ZNF532: variants seen among roughly 807,000 people sequenced by gnomAD.
ZNF532 encodes zinc finger protein 532.
A neutral mutation model predicts 89.3 loss-of-function variants in ZNF532; 22 were observed. That is an observed-to-expected ratio of 0.25 (90% confidence interval 0.18 to 0.35). ZNF532 has a LOEUF of 0.35. Among genes scored for constraint, ZNF532 ranks in the 10% least tolerant of loss-of-function variants. ZNF532 has a pLI of 1.00. For synonymous variants in ZNF532, 606 were observed against 649.6 expected, an observed-to-expected ratio of 0.93 and a Z score of 1.02; for missense variants, 1,132 against 1,643.4, an observed-to-expected ratio of 0.69 and a Z score of 5.38.
rs139626484 is a variant in ZNF532, at chr18:58,876,791, C to T, written c.-18+11212C>T. On this transcript the variant is annotated intron_variant, in intron 2 of 9. Coordinates refer to ENST00000591808, the MANE Select transcript of ZNF532 (RefSeq NM_001375912.1). ...AGTGACTTTGGGCCTAGTGCAATGG[C>T]TCACGCCTGTAATCCCAGCACTTCG... 1.2e-4 allele frequency among the ~76,000 whole-genome samples: 19 copies of T among 152,316 alleles called. No individual in the cohort carries two copies. In the East Asian group the frequency reaches 3.5e-3, roughly 28 times the overall value.
chr18:58,876,601 C>G (rs2057451185), intron 2 of ZNF532, among the ~76,000 whole-genome samples: 1 of 152,180 alleles, frequency 6.6e-6, no homozygotes, highest in Non-Finnish European at 1.5e-5. Flanking sequence ...TTATTCCTCT[C>G]CCTACATTTC....
At chr18:58,892,191 A>G (rs35450591) in intron 2 of ZNF532, among the ~76,000 whole-genome samples, 30,463 of 152,170 alleles carry the variant, frequency 0.2, 4,123 homozygotes, top group Middle Eastern at 0.36. Flanking sequence ...AGTGAAACAC[A>G]ACACTGTGTC....
At chr18:58,928,784 T>C (rs1451028187) in intron 3 of ZNF532, among the ~76,000 whole-genome samples, 2 of 152,222 alleles carry the variant, frequency 1.3e-5, no homozygotes, top group Admixed American at 6.5e-5. Context: ...TGCTTAATAA[T>C]CTCTGCTTTG....
rs1027922908 is a variant in ZNF532, at chr18:58,938,308, G to A, written c.2529-1137G>A. Reference sequence around the variant, plus strand: ...CCACTCTTAAATAGTTTTCAGGTGTGAACAAGGAAGACTTGGTCATCAAGT... The same window carrying A: ...CCACTCTTAAATAGTTTTCAGGTGTAAACAAGGAAGACTTGGTCATCAAGT... On this transcript the variant is annotated intron_variant, in intron 4 of 9. Coordinates refer to ENST00000591808, the MANE Select transcript of ZNF532 (RefSeq NM_001375912.1). Among the ~76,000 whole-genome samples the A allele has an allele frequency of 5.3e-5, 8 of 152,334 alleles. No homozygotes were observed. The East Asian group carries it at 1.5e-3, about 29-fold the overall frequency.
rs375199335 is a variant in ZNF532, at chr18:58,912,139, C to T, written c.-17-6132C>T. 2.6e-5 allele frequency among the ~76,000 whole-genome samples: 4 copies of T among 152,208 alleles called. No homozygotes were observed. In the East Asian group the frequency reaches 5.8e-4, roughly 22 times the overall value. ...TATTTCCCAAGGTCGTGACCTGGTT[C>T]GTGGCATTAGTATGTGACTCCTGTG... On this transcript the variant is annotated intron_variant, in intron 2 of 9. Coordinates refer to ENST00000591808, the MANE Select transcript of ZNF532 (RefSeq NM_001375912.1).
At chr18:58,899,508 A>G (rs2059462911) in intron 2 of ZNF532, among the ~76,000 whole-genome samples, 1 of 151,978 alleles carries the variant, frequency 6.6e-6, no homozygotes, top group Non-Finnish European at 1.5e-5. Flanking sequence ...TTGCTCTGTC[A>G]CCCAGGCTGG....
chr18:58,926,433 G>A (rs62095479), intron 3 of ZNF532: 42,590 of 152,132 alleles, frequency 0.28, 6,177 homozygotes, highest in Middle Eastern at 0.46. Flanking sequence ...CATCTCCTGG[G>A]TTCAAGAGAT....
intron 3 of ZNF532, among the ~76,000 whole-genome samples, chr18:58,931,444 A>G (rs1252344127): frequency 6.6e-6 from 1 of 152,202 alleles, no homozygotes; most frequent in Non-Finnish European, 1.5e-5. Context: ...AGCTAATGGA[A>G]GATACTCCTT....
chr18:58,983,738 A>G (rs2068111400), intron 9 of ZNF532, among the ~76,000 whole-genome samples: 1 of 90,248 alleles, frequency 1.1e-5, no homozygotes, highest in Non-Finnish European at 1.9e-5. Context: ...TCATTTGTCC[A>G]CTGTTGTGCC....
intron 6 of ZNF532, among the ~76,000 whole-genome samples, chr18:58,950,475 GT>G (rs143645443): frequency 1.3e-5 from 2 of 148,262 alleles, no homozygotes; most frequent in South Asian, 2.1e-4. Context: ...GGGGCATACT[GT>G]TTTTTTTTTA....
intron 4 of ZNF532, 123 bp downstream of exon 4, chr18:58,934,737 T>TG: frequency 1.1e-6 from 1 of 948,854 alleles, no homozygotes; most frequent in Non-Finnish European, 1.6e-6. Flanking sequence ...ACAGATCCTC[T>TG]GGGAACCTAG....
rs1366016926 is a variant in ZNF532 at position 58,865,060 on chromosome 18, G to GA, written c.-452dup. 1 of 152,238 alleles carries GA rather than the reference G, an allele frequency of 6.6e-6. No individual in the cohort carries two copies. The highest frequency in any genetic ancestry group is 1.9e-4 in the East Asian group (1 of 5,202). 9.4% of individuals were successfully genotyped at this position (152,238 alleles called of 1,614,324 possible). ...AAAAAGGTGCAGGTTTGCAGGGTCT[G>GA]AGATTACTTGGGCTTTTCCTGCCTT... On this transcript the variant is annotated 5_prime_UTR_variant, in exon 1 of 10. Transcript: ENST00000591808.
chr18:58,919,015 A>C lies in ZNF532; in HGVS notation c.728A>C (p.Lys243Thr). The change falls in exon 3 of 10, where the codon AAG (lysine) becomes ACG (threonine). Residue 243 changes from lysine to threonine, a missense_variant. By Grantham distance (78) the Lys-to-Thr change is moderately conservative. Transcript: ENST00000591808. This position sits in a 1 kb window ranked among gnomAD's most constrained non-coding sequence, Gnocchi z 6.1. Reference sequence around the variant, plus strand: ...CTGGAAAACAGAGTCCTAGATGGGAAGCTGAGCTCCGAGAAGAATGACACC... The same window carrying C: ...CTGGAAAACAGAGTCCTAGATGGGACGCTGAGCTCCGAGAAGAATGACACC... ...KVLENRVLDG[K>T]LSSEKNDTSL... 1 of 1,613,692 alleles carries C rather than the reference A, an allele frequency of 6.2e-7. No individual in the cohort carries two copies. The highest frequency in any genetic ancestry group is 1.1e-5 in the South Asian group (1 of 91,088).
Position 58,953,550 on chromosome 18 carries a change from G to A in ZNF532, c.2901G>A (p.Gly967=). ...ATGGAACATTGAAAAGTATTGAAGGGCCTCCAAACTTGGGTATAAACTTGC... is the reference window on the plus strand; with the variant it reads ...ATGGAACATTGAAAAGTATTGAAGGACCTCCAAACTTGGGTATAAACTTGC... ...SMHGTLKSIE[G]PPNLGINLPL... is the part of the protein sequence containing the mutation. Residue 967 remains glycine, a synonymous_variant, in exon 7 of 10, where the codon GGG becomes GGA. Coordinates refer to ENST00000591808, the MANE Select transcript of ZNF532 (RefSeq NM_001375912.1). The A allele has an allele frequency of 6.2e-7, 1 of 1,612,702 alleles. No individual in the cohort carries two copies. Among genetic ancestry groups the A allele is most frequent in the Non-Finnish European group, 8.5e-7 (1 of 1,179,326 alleles).
At chr18:58,894,282 T>C (rs577835182) in intron 2 of ZNF532, among the ~76,000 whole-genome samples, 1 of 152,134 alleles carries the variant, frequency 6.6e-6, no homozygotes, top group South Asian at 2.1e-4. Flanking sequence ...CCGGCTAACA[T>C]GGTGAAACCC....
At chr18:58,979,383 A>G (rs949303990) in intron 8 of ZNF532, 40 of 322,628 alleles carry the variant, frequency 1.2e-4, no homozygotes, top group African/African-American at 8.2e-4. Context: ...TATCCCACAT[A>G]CATTGTGTGT....
At chr18:58,951,837 G>A (rs1214643041) in intron 6 of ZNF532, among the ~76,000 whole-genome samples, 8 of 151,982 alleles carry the variant, frequency 5.3e-5, no homozygotes, top group Non-Finnish European at 1.0e-4. Context: ...TTTTAGTAGA[G>A]ACGGGGTTTC....
intron 7 of ZNF532, among the ~76,000 whole-genome samples, chr18:58,973,894 C>T (rs945750697): frequency 2.6e-5 from 4 of 152,002 alleles, no homozygotes; most frequent in African/African-American, 7.3e-5. Context: ...CAAAGCTTCA[C>T]GTGTACTGTA....
chr18:58,890,868 A>T (rs1340162489), intron 2 of ZNF532, among the ~76,000 whole-genome samples: 1 of 145,764 alleles, frequency 6.9e-6, no homozygotes, highest in African/African-American at 2.6e-5. Context: ...ATTTTTTTAG[A>T]TATGGGGCCT....
Sources: allele counts gnomAD v4.1 joint callset (sites outside exome capture counted in the v4.1 genomes callset), GRCh38; gene constraint gnomAD v4.1.1; non-coding constraint Gnocchi (gnomAD v3.1); transcripts MANE v1.5; gene names NCBI Gene and HGNC (gene_info 2026-07-23, HGNC 2026-07-21).